Variants in CELF4 observed in about 807,000 individuals in gnomAD.
The protein encoded by CELF4 is CUG-BP- and ETR-3-like factor 4.
Under a neutral mutation model 59.9 loss-of-function variants are expected in CELF4, and 18 were observed. That is an observed-to-expected ratio of 0.30 (90% CI 0.21 to 0.45). The LOEUF (loss-of-function observed/expected upper bound fraction) is 0.45. Among genes scored for constraint, CELF4 ranks in the 20% least tolerant of loss-of-function variants. The pLI is 1.00. For synonymous variants in CELF4, 261 were observed against 267.1 expected (o/e 0.98, Z 0.22); for missense variants, 456 against 689.0 (o/e 0.66, Z 3.79).
chr18:37,341,133 C>A (rs776588418), intron 2 of CELF4, among the ~76,000 whole-genome samples: 1 of 152,184 alleles, frequency 6.6e-6, no homozygotes, highest in Non-Finnish European at 1.5e-5. Flanking sequence ...GGTTTCAGGG[C>A]AGGATTTGGC....
intron 3 of CELF4, among the ~76,000 whole-genome samples, chr18:37,282,529 G>C (rs1471161363): frequency 6.6e-6 from 1 of 152,150 alleles, no homozygotes; most frequent in Non-Finnish European, 1.5e-5. Flanking sequence ...CCAAAACCCA[G>C]AGGCTTCCTT....
At chr18:37,506,770 T>C (rs892212721) in intron 1 of CELF4, among the ~76,000 whole-genome samples, 10 of 152,200 alleles carry the variant, frequency 6.6e-5, no homozygotes, top group African/African-American at 2.4e-4. Flanking sequence ...GGCGCTTCCC[T>C]GGGAAATGGG....
intron 2 of CELF4, among the ~76,000 whole-genome samples, chr18:37,324,853 T>G (rs2097250771): frequency 6.6e-6 from 1 of 152,152 alleles, no homozygotes; most frequent in South Asian, 2.1e-4. Flanking sequence ...GTCAAGGAAA[T>G]GGAGTCTCAG....
At chr18:37,327,406 C>T (rs544380253) in intron 2 of CELF4, among the ~76,000 whole-genome samples, 6 of 152,292 alleles carry the variant, frequency 3.9e-5, no homozygotes, top group Non-Finnish European at 5.9e-5. Context: ...TGCCTATACA[C>T]GTCTCTTCTC....
chr18:37,320,411 T>G (rs1009718261), intron 3 of CELF4, among the ~76,000 whole-genome samples: 1 of 151,350 alleles, frequency 6.6e-6, no homozygotes, highest in African/African-American at 2.4e-5. Context: ...TCAATTTTTC[T>G]AAACCCTTTC....
At chr18:37,405,378 T>C (rs1467879442) in intron 2 of CELF4, among the ~76,000 whole-genome samples, 1 of 152,242 alleles carries the variant, frequency 6.6e-6, no homozygotes, top group African/African-American at 2.4e-5. Flanking sequence ...AGGTGTGCTC[T>C]GCTCAGTCTC....
At chr18:37,295,684 A>T (rs940840508) in intron 3 of CELF4, among the ~76,000 whole-genome samples, 5 of 152,238 alleles carry the variant, frequency 3.3e-5, no homozygotes, top group Non-Finnish European at 5.9e-5. Context: ...ACAATCAAAC[A>T]GTTAGTAATG....
chr18:37,289,545 G>A (rs577474608), intron 3 of CELF4, among the ~76,000 whole-genome samples: 29 of 151,774 alleles, frequency 1.9e-4, no homozygotes, highest in Middle Eastern at 3.4e-3. Context: ...GCCCCAGCTC[G>A]TCCCCCCACC....
intron 2 of CELF4, among the ~76,000 whole-genome samples, chr18:37,349,051 G>A (rs918284609): frequency 1.3e-5 from 2 of 152,240 alleles, no homozygotes; most frequent in Admixed American, 6.5e-5. Context: ...ATCGCAGGGT[G>A]CAACGGCAGC....
intron 10 of CELF4, 39 bp downstream of exon 10, chr18:37,264,634 AG>A: frequency 6.6e-7 from 1 of 1,516,150 alleles, no homozygotes; most frequent in Non-Finnish European, 9.0e-7. Context: ...TGGGGACAAC[AG>A]GGGGAGGGAG....
At chr18:37,299,891 G>A (rs1313453593) in intron 3 of CELF4, among the ~76,000 whole-genome samples, 1 of 151,888 alleles carries the variant, frequency 6.6e-6, no homozygotes, top group African/African-American at 2.4e-5. Context: ...AGAGCTCCCG[G>A]GCCCATACTC....
intron 2 of CELF4, among the ~76,000 whole-genome samples, chr18:37,351,290 A>G (rs1340640103): frequency 1.3e-5 from 2 of 152,196 alleles, no homozygotes; most frequent in Non-Finnish European, 2.9e-5. Flanking sequence ...CCAGCAGCAG[A>G]CAGCTGAATC....
At chr18:37,512,695 C>A (rs1465881947) in intron 1 of CELF4, among the ~76,000 whole-genome samples, 1 of 150,982 alleles carries the variant, frequency 6.6e-6, no homozygotes, top group Non-Finnish European at 1.5e-5. Context: ...TGTTCTTTAT[C>A]TTTGACTCCT....
intron 2 of CELF4, among the ~76,000 whole-genome samples, chr18:37,346,792 G>A (rs1380592289): frequency 5.3e-5 from 8 of 152,104 alleles, no homozygotes; most frequent in Admixed American, 3.9e-4. Flanking sequence ...GCAGGAGGGA[G>A]GAAGCCTGGG....
rs34833771 is a variant in CELF4 at position 37,271,254 on chromosome 18, CTTTTTTTTTTTTT to C, written c.950-350_950-338del. On this transcript the variant is annotated intron_variant, in intron 7 of 12. Transcript: ENST00000420428. ...AACCACACTTGGTCTTCCTTCAGTC[CTTTTTTTTTTTTT>C]TTTTTTTTTTGTCTTGCTCTGTTGC... 1.5e-4 allele frequency among the ~76,000 whole-genome samples: 16 copies of C among 105,536 alleles called. No individual in the cohort carries two copies. The South Asian group carries it at 3.4e-3, about 22-fold the overall frequency. The allele number at this position is 105,536 out of a possible 152,430, so 69.2% of individuals were successfully genotyped here.
chr18:37,439,413 A>G (rs892500729), intron 2 of CELF4, among the ~76,000 whole-genome samples: 1 of 152,112 alleles, frequency 6.6e-6, no homozygotes, highest in Non-Finnish European at 1.5e-5. Flanking sequence ...GTATGCATGC[A>G]TGCATGTGTG....
At chr18:37,336,538 C>A (rs971130680) in intron 2 of CELF4, among the ~76,000 whole-genome samples, 1 of 152,196 alleles carries the variant, frequency 6.6e-6, no homozygotes, top group African/African-American at 2.4e-5. Context: ...CCCCAGGACA[C>A]CTCAGTGGGA....
intron 3 of CELF4, among the ~76,000 whole-genome samples, chr18:37,314,998 C>T (rs1172809108): frequency 6.6e-6 from 1 of 152,128 alleles, no homozygotes; most frequent in Non-Finnish European, 1.5e-5. Flanking sequence ...TCTATGCAAT[C>T]GGGCCCGATT....
intron 2 of CELF4, among the ~76,000 whole-genome samples, chr18:37,332,023 A>C (rs2154533249): frequency 6.6e-6 from 1 of 152,248 alleles, no homozygotes; most frequent in Non-Finnish European, 1.5e-5. Flanking sequence ...CACGTGCAGG[A>C]GGTGCAGGAA....
Sources: allele counts gnomAD v4.1 joint callset (sites outside exome capture counted in the v4.1 genomes callset), GRCh38; gene constraint gnomAD v4.1.1; transcripts MANE v1.5; gene names NCBI Gene and HGNC (gene_info 2026-07-23, HGNC 2026-07-21).